The following SPATA16 variants were observed in gnomAD, a reference collection of about 807,000 sequenced individuals.
SPATA16 encodes spermatogenesis associated 16, also known as spermatogenesis-associated protein 16.
Under a neutral mutation model 63.3 loss-of-function variants are expected in SPATA16, and 36 were observed. The ratio of observed to expected loss-of-function variants is 0.57; its 90% CI spans 0.44 to 0.75. The LOEUF is 0.75. Ranked by LOEUF, SPATA16 falls within the 30% of genes least tolerant of loss-of-function variation. The probability of loss-of-function intolerance (pLI) is 0.00; values close to 1 mark genes in which losing one functional copy is unlikely to be tolerated. For synonymous variants in SPATA16, 203 were observed against 216.7 expected, an observed-to-expected ratio of 0.94 and a Z score of 0.56; for missense variants, 646 against 679.3, an observed-to-expected ratio of 0.95 and a Z score of 0.54.
chr3:173,127,095 G>A (rs756229024), intron 1 of SPATA16, among the ~76,000 whole-genome samples: 2 of 152,098 alleles, frequency 1.3e-5, no homozygotes, highest in African/African-American at 2.4e-5. Flanking sequence ...AAAGTTGTAC[G>A]AATATCAAGA....
At chr3:173,107,321 T>C (rs1737642993) in intron 2 of SPATA16, among the ~76,000 whole-genome samples, 1 of 152,162 alleles carries the variant, frequency 6.6e-6, no homozygotes, top group African/African-American at 2.4e-5. Context: ...CTCTAGAAGA[T>C]ATTTATTTAT....
At chr3:173,074,575 C>A (rs1319973470) in intron 2 of SPATA16, among the ~76,000 whole-genome samples, 1 of 152,076 alleles carries the variant, frequency 6.6e-6, no homozygotes, top group African/African-American at 2.4e-5. Context: ...ATTGTGAGAC[C>A]CCTGTCCCCA....
chr3:172,982,105 A>G (rs6799913), intron 4 of SPATA16, among the ~76,000 whole-genome samples: 4,253 of 152,326 alleles, frequency 0.028, 176 homozygotes, highest in African/African-American at 0.098. Context: ...TTGAATTAAC[A>G]ACTACACATT....
chr3:173,061,984 T>C (rs1000263171), intron 2 of SPATA16, among the ~76,000 whole-genome samples: 1 of 151,932 alleles, frequency 6.6e-6, no homozygotes, highest in Non-Finnish European at 1.5e-5. Context: ...AGCTATTGAA[T>C]GACAGTAAAA....
At chr3:172,979,435 A>C (rs1253970517) in intron 4 of SPATA16, among the ~76,000 whole-genome samples, 5 of 152,234 alleles carry the variant, frequency 3.3e-5, no homozygotes, top group African/African-American at 9.6e-5. Flanking sequence ...TCATAGACAC[A>C]GTGGCTTGAG....
chr3:172,961,093 C>T (rs149735489), intron 5 of SPATA16, among the ~76,000 whole-genome samples: 36,082 of 132,228 alleles, frequency 0.27, 6,614 homozygotes, highest in Non-Finnish European at 0.33. Flanking sequence ...TTCCTTCCTT[C>T]CTTCCTTCCT....
At chr3:172,968,225 G>C (rs551479911) in intron 5 of SPATA16, among the ~76,000 whole-genome samples, 1 of 152,236 alleles carries the variant, frequency 6.6e-6, no homozygotes, top group Non-Finnish European at 1.5e-5. Context: ...GGCATATTCT[G>C]AGGCACTGGC....
chr3:173,104,337 C>T (rs1304944159), intron 2 of SPATA16, among the ~76,000 whole-genome samples: 2 of 152,164 alleles, frequency 1.3e-5, no homozygotes, highest in Non-Finnish European at 2.9e-5. Context: ...CAGTGCCCGA[C>T]TCCTCAGTAC....
intron 4 of SPATA16, among the ~76,000 whole-genome samples, chr3:172,997,908 A>G (rs1487004641): frequency 6.6e-6 from 1 of 152,146 alleles, no homozygotes; most frequent in African/African-American, 2.4e-5. Context: ...TCAGTTGACT[A>G]TATTTATGTG....
chr3:173,040,883 G>A (rs1735824205), intron 3 of SPATA16, among the ~76,000 whole-genome samples: 1 of 152,036 alleles, frequency 6.6e-6, no homozygotes, highest in Admixed American at 6.6e-5. Context: ...CCTTGTTCCT[G>A]CTTGAGAACT....
At chr3:173,133,715 A>G (rs1394576624) in intron 1 of SPATA16, among the ~76,000 whole-genome samples, 1 of 152,208 alleles carries the variant, frequency 6.6e-6, no homozygotes, top group African/African-American at 2.4e-5. Flanking sequence ...AAATTGACAA[A>G]TCTCCAATTA....
At chr3:173,029,773 G>C (rs1248696230) in intron 3 of SPATA16, among the ~76,000 whole-genome samples, 2 of 151,892 alleles carry the variant, frequency 1.3e-5, no homozygotes, top group South Asian at 2.1e-4. Flanking sequence ...CTCCCCATAG[G>C]GATAGATTTT....
chr3:173,088,008 G>GTCTTTCTTTCTTTCTTTCTTTCTT (rs57997275), intron 2 of SPATA16, among the ~76,000 whole-genome samples: 2 of 90,866 alleles, frequency 2.2e-5, no homozygotes, highest in African/African-American at 4.8e-5. Flanking sequence ...TTTTCTTTCC[G>GTCTTTCTTTCTTTCTTTCTTTCTT]TCTTTCTTTC....
intron 5 of SPATA16, among the ~76,000 whole-genome samples, chr3:172,961,000 C>CTCTT (rs200434938): frequency 1.7e-5 from 2 of 119,058 alleles, no homozygotes; most frequent in African/African-American, 3.2e-5. Flanking sequence ...TTTTTTCTTT[C>CTCTT]TCTTTCTTTC....
chr3:173,007,242 C>T (rs2108269244), intron 4 of SPATA16, among the ~76,000 whole-genome samples: 1 of 152,266 alleles, frequency 6.6e-6, no homozygotes, highest in Non-Finnish European at 1.5e-5. Flanking sequence ...GTTATGCTCA[C>T]ATGGGGGAAT....
intron 3 of SPATA16, among the ~76,000 whole-genome samples, chr3:173,024,656 G>T (rs1002975000): frequency 1.5e-4 from 23 of 150,672 alleles, no homozygotes; most frequent in Non-Finnish European, 2.1e-4. Context: ...AAAAAATAAT[G>T]CTATGATTTT....
chr3:172,918,144 T>C (rs1732536498), intron 8 of SPATA16, among the ~76,000 whole-genome samples: 1 of 152,248 alleles, frequency 6.6e-6, no homozygotes, highest in Non-Finnish European at 1.5e-5. Flanking sequence ...TTTAAACATG[T>C]AGCTAAACAA....
chr3:172,983,950 C>A (rs1370947676), intron 4 of SPATA16, among the ~76,000 whole-genome samples: 1 of 151,826 alleles, frequency 6.6e-6, no homozygotes, highest in Non-Finnish European at 1.5e-5. Context: ...AAGGCCCCAC[C>A]CCCACCCCCT....
chr3:172,926,948 G>T (rs1417641437), intron 6 of SPATA16, among the ~76,000 whole-genome samples: 1 of 152,228 alleles, frequency 6.6e-6, no homozygotes. Context: ...TTGAATGATG[G>T]TTTAGTTAAA....
Sources: gnomAD v4.1 joint callset for allele counts (sites outside exome capture counted in the v4.1 genomes callset) on GRCh38, gnomAD v4.1.1 for gene constraint, MANE v1.5 for transcripts, NCBI Gene and HGNC (gene_info 2026-07-23, HGNC 2026-07-21) for gene names.